Variants in MAN2A2 observed in about 807,000 individuals in gnomAD.
MAN2A2 encodes the protein alpha-mannosidase 2x.
MAN2A2 carries 79 observed loss-of-function variants against 126.8 expected under a neutral mutation model. The ratio of observed to expected loss-of-function variants is 0.62; its 90% CI spans 0.52 to 0.75. The LOEUF (loss-of-function observed/expected upper bound fraction) is 0.75. Ranked by LOEUF, MAN2A2 falls within the 30% of genes least tolerant of loss-of-function variation. The pLI, the probability that MAN2A2 is intolerant of heterozygous loss-of-function variation, is 0.00. For missense variants in MAN2A2, 1,392 were observed against 1,522.4 expected (o/e 0.91, Z 1.43); for synonymous variants, 671 against 618.7 (o/e 1.08, Z -1.25).
chr15:90,918,315 G>A lies in MAN2A2; in HGVS notation c.3116G>A (p.Arg1039His), dbSNP rs52828316. ...ATGCAGCTCCCAGGCCCTGGTCTGC[G>A]CTCATTTCATCCTCTGGCTTCCTCA... is the stretch of plus-strand genomic sequence containing the variant. ...ARMQLPGPGLRSFHPLASSLP... is the reference protein window; with the variant it reads ...ARMQLPGPGLHSFHPLASSLP... Residue 1039 changes from arginine (R) to histidine (H), a missense_variant, in exon 21 of 23, where the codon CGC becomes CAC. Arg to His is a conservative substitution (Grantham distance 29, BLOSUM62 0). Coordinates refer to ENST00000559717, the MANE Select transcript of MAN2A2 (RefSeq NM_006122.4). 93,840 of 1,614,058 alleles carry A rather than the reference G, an allele frequency of 0.058. 3,070 individuals are homozygous for A. The highest frequency in any genetic ancestry group is 0.069 in the South Asian group (6,255 of 91,080).
rs1479429036 is a variant in MAN2A2, at chr15:90,918,222, C to G, written c.3023C>G (p.Pro1008Arg). 6.2e-7 allele frequency: 1 copy of G among 1,613,834 alleles called. No homozygotes were observed. The highest frequency in any genetic ancestry group is 1.3e-5 in the African/African-American group (1 of 74,908). ...EVQDSHSTSY[P>R]SLLSHLTSMY... Reference sequence around the variant, plus strand: ...CAAGATAGCCACTCTACCAGCTACCCATCCCTCCTCAGCCACCTGACCTCC... The same window carrying G: ...CAAGATAGCCACTCTACCAGCTACCGATCCCTCCTCAGCCACCTGACCTCC... Residue 1008 changes from proline (P) to arginine (R), a missense_variant, in exon 21 of 23, where the codon CCA (proline) becomes CGA (arginine). Physicochemically the swap from Pro to Arg is moderately radical, Grantham distance 103. Coordinates refer to ENST00000559717, the MANE Select transcript of MAN2A2 (RefSeq NM_006122.4).
At chr15:90,906,938 G>T (rs761745233) in intron 7 of MAN2A2, 25 bp downstream of exon 7, 5 of 1,611,766 alleles carry the variant, frequency 3.1e-6, no homozygotes, top group Admixed American at 3.3e-5. Flanking sequence ...GGTAGAGGGG[G>T]TTACTGCAGC....
At chr15:90,918,548 C>T in intron 21 of MAN2A2, 97 bp from the exon 22 acceptor site, 2 of 1,197,558 alleles carry the variant, frequency 1.7e-6, no homozygotes, top group Admixed American at 2.0e-5. Context: ...ACCCACACGC[C>T]TCCCTGTGCC....
In MAN2A2 at chr15:90,910,138, A is replaced by G; in HGVS notation, c.1423A>G (p.Thr475Ala). ...CTATTTTGATGCCCTGTACAAGAGGACAGGGGTGGAGCCAGGGGCCCGGCC... is the reference window on the plus strand; with the variant it reads ...CTATTTTGATGCCCTGTACAAGAGGGCAGGGGTGGAGCCAGGGGCCCGGCC... ...SDYFDALYKR[T>A]GVEPGARPPG... Residue 475 changes from threonine to alanine, a missense_variant, in exon 10 of 23, where the codon ACA (threonine) becomes GCA (alanine). Thr to Ala is a moderately conservative substitution (Grantham distance 58, BLOSUM62 0). Coordinates refer to ENST00000559717, the MANE Select transcript of MAN2A2 (RefSeq NM_006122.4). 1 of 1,613,954 alleles carries G rather than the reference A, an allele frequency of 6.2e-7. No individual in the cohort carries two copies. Among genetic ancestry groups the G allele is most frequent in the Non-Finnish European group, 8.5e-7 (1 of 1,180,002 alleles).
Position 90,918,694 on chromosome 15 carries a change from G to A in MAN2A2, c.3239G>A (p.Gly1080Asp). The change falls in exon 22 of 23, where the codon GGT (glycine) becomes GAT (aspartate). Residue 1080 changes from glycine (G) to aspartate (D), a missense_variant. Transcript: ENST00000559717. ...ACCGCACTCATCTTACACCGCAAGG[G>A]TTTTGACTGCGGCCTGGAGGCCAAG... The part of the protein sequence containing the change: ...AETALILHRK[G>D]FDCGLEAKNL... The A allele has an allele frequency of 3.9e-6, 6 of 1,521,830 alleles. No individual in the cohort carries two copies. In the South Asian group the frequency reaches 5.6e-5, roughly 14 times the overall value. The allele number at this position is 1,521,830 out of a possible 1,614,324, so 94.3% of individuals were successfully genotyped here. A position where few individuals can be genotyped will look rare whatever the true frequency, so the allele number is the denominator to read the frequency against.
intron 8 of MAN2A2, among the ~76,000 whole-genome samples, chr15:90,907,938 G>T (rs2034431236): frequency 6.6e-6 from 1 of 152,198 alleles, no homozygotes; most frequent in South Asian, 2.1e-4. Context: ...GACCCCTAAA[G>T]ATAGCACTCT....
chr15:90,906,332 T>C (rs1032749900), intron 5 of MAN2A2, 38 bp from the exon 6 acceptor site: 1 of 1,612,212 alleles, frequency 6.2e-7, no homozygotes, highest in African/African-American at 1.3e-5. Flanking sequence ...CTGGGCAGAG[T>C]GTCCTGCTCC....
intron 20 of MAN2A2, chr15:90,916,472 C>A (rs1296017161): frequency 1.8e-6 from 2 of 1,135,724 alleles, no homozygotes; most frequent in African/African-American, 1.5e-5. Flanking sequence ...GTCACCTGTG[C>A]CCCTCATGTT....
chr15:90,919,534 T>G, intron 22 of MAN2A2, 101 bp from the exon 23 acceptor site: 1 of 1,434,638 alleles, frequency 7.0e-7, no homozygotes, highest in Non-Finnish European at 9.6e-7. Flanking sequence ...CCACTGCCCC[T>G]GGCTGAGATT....
In MAN2A2 at chr15:90,918,236, C is replaced by T. The variant is rs1374041413; in HGVS notation, c.3037C>T (p.His1013Tyr). 1.2e-6 allele frequency: 2 copies of T among 1,614,144 alleles called. No individual in the cohort carries two copies. Among genetic ancestry groups the T allele is most frequent in the Non-Finnish European group, 1.7e-6 (2 of 1,179,994 alleles). ...TACCAGCTACCCATCCCTCCTCAGC[C>T]ACCTGACCTCCATGTACCTGAACGC... ...HSTSYPSLLS[H>Y]LTSMYLNAPA... Residue 1013 changes from histidine (H) to tyrosine (Y), a missense_variant, in exon 21 of 23, where the codon CAC becomes TAC. Physicochemically the swap from His to Tyr is moderately conservative, Grantham distance 83. Transcript: ENST00000559717.
At chr15:90,918,050 C>T in intron 20 of MAN2A2, 144 bp from the exon 21 acceptor site, 1 of 732,394 alleles carries the variant, frequency 1.4e-6, no homozygotes, top group Non-Finnish European at 2.3e-6. Context: ...GGAACCTCGC[C>T]TGGAGCCAGG....
intron 6 of MAN2A2, 58 bp from the exon 7 acceptor site, chr15:90,906,682 C>T (rs920686108): frequency 1.6e-5 from 25 of 1,591,200 alleles, no homozygotes; most frequent in Admixed American, 8.6e-5. Context: ...CCTGGAAGGC[C>T]GGGGGGCCAG....
In MAN2A2 at chr15:90,913,333, A is replaced by T; in HGVS notation, c.2645A>T (p.Lys882Met). 1 of 1,613,436 alleles carries T rather than the reference A, an allele frequency of 6.2e-7. No homozygotes were observed. The highest frequency in any genetic ancestry group is 1.3e-5 in the African/African-American group (1 of 75,000). Residue 882 changes from lysine (K) to methionine (M), a missense_variant, in exon 18 of 23, where the codon AAG becomes ATG. Coordinates refer to ENST00000559717, the MANE Select transcript of MAN2A2 (RefSeq NM_006122.4). The part of the protein sequence containing the change: ...SLVDIRDYVN[K>M]ELALHIHTDI... ...GTGGACATCCGGGACTACGTCAACA[A>T]GGAGCTGGCCCTGCACATCCATACA... is the stretch of plus-strand genomic sequence containing the variant.
At position 90,907,463 on chromosome 15, in the gene MAN2A2, C is replaced by A. The variant is rs74901948; in HGVS notation, c.1164C>A (p.Pro388=). 7,147 of 1,613,382 alleles carry A rather than the reference C, an allele frequency of 4.4e-3. 271 individuals are homozygous for A. The African/African-American group carries it at 0.081, about 18-fold the overall frequency. The change falls in exon 8 of 23, where the codon CCC becomes CCA. Residue 388 remains proline, a synonymous_variant. Coordinates refer to ENST00000559717, the MANE Select transcript of MAN2A2 (RefSeq NM_006122.4). The part of the protein sequence containing the change: ...GRINCPWKVP[P]RAITEANVAE... The stretch of plus-strand genomic sequence containing the variant: ...TCAACTGCCCTTGGAAGGTGCCACC[C>A]CGGGCCATCACAGAGGCCAACGTGG...
At chr15:90,917,824 T>C (rs1035384195) in intron 20 of MAN2A2, 1 of 195,480 alleles carries the variant, frequency 5.1e-6, no homozygotes, top group Non-Finnish European at 1.1e-5. Flanking sequence ...GCACTCTGGA[T>C]TGGAGGTCCG....
chr15:90,905,105 C>T (rs557241481), intron 2 of MAN2A2, 146 bp from the exon 3 acceptor site: 24 of 806,952 alleles, frequency 3.0e-5, no homozygotes, highest in Middle Eastern at 3.7e-4. Flanking sequence ...TTTATCTGAA[C>T]GGTGTCATCT....
rs2034391306 is a variant in MAN2A2 at position 90,907,466 on chromosome 15, G to A, written c.1167G>A (p.Arg389=). 1.2e-6 allele frequency: 2 copies of A among 1,613,046 alleles called. No individual in the cohort carries two copies. Among genetic ancestry groups the A allele is most frequent in the East Asian group, 2.2e-5 (1 of 44,900 alleles). The change falls in exon 8 of 23, where the codon CGG becomes CGA. Residue 389 remains arginine, a synonymous_variant. Transcript: ENST00000559717. ...RINCPWKVPP[R]AITEANVAER... ...ACTGCCCTTGGAAGGTGCCACCCCG[G>A]GCCATCACAGAGGCCAACGTGGCAG... is the stretch of plus-strand genomic sequence containing the variant.
chr15:90,915,268 A>G (rs1261874307), intron 19 of MAN2A2: 1 of 152,262 alleles, frequency 6.6e-6, no homozygotes. Flanking sequence ...GTTCTGGGTT[A>G]AAAGACTGAG....
rs573326627 is a variant in MAN2A2, at chr15:90,907,429, G to T, written c.1130G>T (p.Gly377Val). The T allele has an allele frequency of 6.2e-6, 10 of 1,614,050 alleles. No individual in the cohort carries two copies. The highest frequency in any genetic ancestry group is 8.5e-6 in the Non-Finnish European group (10 of 1,180,036). The change falls in exon 8 of 23, where the codon GGT becomes GTT. Residue 377 changes from glycine (G) to valine (V), a missense_variant. Gly to Val is a moderately radical substitution (Grantham distance 109, BLOSUM62 -3). Coordinates refer to ENST00000559717, the MANE Select transcript of MAN2A2 (RefSeq NM_006122.4). ...CCQFDFKRLP[G>V]GRINCPWKVP... is the part of the protein sequence containing the mutation. ...CAATTTGATTTCAAACGCCTGCCTG[G>T]TGGGCGCATCAACTGCCCTTGGAAG...
Sources: allele counts gnomAD v4.1 joint callset (sites outside exome capture counted in the v4.1 genomes callset), GRCh38; gene constraint gnomAD v4.1.1; transcripts MANE v1.5; gene names NCBI Gene and HGNC (gene_info 2026-07-23, HGNC 2026-07-21).